The following TP63 variants were observed in gnomAD, a reference collection of about 807,000 sequenced individuals.
TP63 encodes tumor protein 63.
A neutral mutation model predicts 82.8 loss-of-function variants in TP63; 17 were observed. The observed-to-expected ratio is 0.21, with a 90% confidence interval of 0.14 to 0.31. TP63 has a LOEUF of 0.31. Among genes scored for constraint, TP63 ranks in the 10% least tolerant of loss-of-function variants. TP63 has a pLI of 1.00. For missense variants in TP63, 648 were observed against 895.3 expected (o/e 0.72, Z 3.52); for synonymous variants, 330 against 321.7 (o/e 1.03, Z -0.28).
chr3:189,679,066 T>G (rs915802709), intron 1 of TP63, among the ~76,000 whole-genome samples: 4 of 152,090 alleles, frequency 2.6e-5, no homozygotes, highest in African/African-American at 9.6e-5. Flanking sequence ...ATTCCGTATC[T>G]GAGCTATTGT....
intron 1 of TP63, among the ~76,000 whole-genome samples, chr3:189,735,326 T>C (rs548540222): frequency 6.6e-6 from 1 of 152,302 alleles, no homozygotes; most frequent in African/African-American, 2.4e-5. Context: ...TCTAAACTTT[T>C]GGTCTATTTT....
intron 1 of TP63, among the ~76,000 whole-genome samples, chr3:189,717,549 T>G (rs1192086077): frequency 1.3e-5 from 2 of 152,152 alleles, no homozygotes; most frequent in Non-Finnish European, 2.9e-5. Flanking sequence ...TTCTTTAAAC[T>G]CAATACACTA....
the TP63 span, among the ~76,000 whole-genome samples, chr3:189,603,683 C>G: frequency 8.0e-6 from 1 of 125,268 alleles, no homozygotes; most frequent in Non-Finnish European, 1.6e-5. Context: ...AAAAGAAGCA[C>G]AGTCCTGGAG....
intron 1 of TP63, among the ~76,000 whole-genome samples, chr3:189,653,174 A>C (rs148296503): frequency 3.1e-3 from 466 of 152,256 alleles, no homozygotes; most frequent in Non-Finnish European, 4.8e-3. Flanking sequence ...AATTCCATAA[A>C]GATATACCTA....
At chr3:189,783,773 A>G (rs1403711742) in intron 3 of TP63, among the ~76,000 whole-genome samples, 1 of 151,900 alleles carries the variant, frequency 6.6e-6, no homozygotes, top group African/African-American at 2.4e-5. Flanking sequence ...TCAAAATGAA[A>G]TATTTTTTTC....
chr3:189,649,419 T>C (rs1039489456), intron 1 of TP63, among the ~76,000 whole-genome samples: 2 of 146,610 alleles, frequency 1.4e-5, no homozygotes, highest in African/African-American at 5.1e-5. Flanking sequence ...GGAAACTAAA[T>C]GATGAGAACG....
chr3:189,793,961 A>G (rs1725431878), intron 3 of TP63, among the ~76,000 whole-genome samples: 1 of 152,090 alleles, frequency 6.6e-6, no homozygotes, highest in East Asian at 1.9e-4. Context: ...CTGGAAGAGC[A>G]TGGATTCAAG....
At chr3:189,824,885 T>C (rs958944627) in intron 4 of TP63, among the ~76,000 whole-genome samples, 3 of 151,862 alleles carry the variant, frequency 2.0e-5, no homozygotes, top group African/African-American at 7.3e-5. Context: ...ATCAGTAGCT[T>C]GTTCAGGGGG....
At chr3:189,743,517 C>CACACAA (rs1270499054) in intron 3 of TP63, among the ~76,000 whole-genome samples, 2 of 151,960 alleles carry the variant, frequency 1.3e-5, no homozygotes, top group African/African-American at 2.4e-5. Context: ...CACACACACA[C>CACACAA]ACACAAACAT....
At chr3:189,784,376 G>A (rs1724443299) in intron 3 of TP63, among the ~76,000 whole-genome samples, 1 of 152,038 alleles carries the variant, frequency 6.6e-6, no homozygotes, top group South Asian at 2.1e-4. Context: ...TAAATATTAA[G>A]ATGTAATTAA....
chr3:189,781,922 C>T (rs1724262367), intron 3 of TP63, among the ~76,000 whole-genome samples: 1 of 152,062 alleles, frequency 6.6e-6, no homozygotes, highest in South Asian at 2.1e-4. Flanking sequence ...TAGACAAATG[C>T]CATCTCCAAG....
chr3:189,636,437 C>T (rs1337328033), intron 1 of TP63, among the ~76,000 whole-genome samples: 1 of 152,086 alleles, frequency 6.6e-6, no homozygotes, highest in Non-Finnish European at 1.5e-5. Context: ...GAGAAATAAA[C>T]TCAACTCAAC....
chr3:189,872,400 AACACAC>A (rs60097753), intron 9 of TP63, among the ~76,000 whole-genome samples: 67 of 146,998 alleles, frequency 4.6e-4, no homozygotes, highest in African/African-American at 8.0e-4. Flanking sequence ...AAGTTTCTCT[AACACAC>A]ACACACACAC....
At chr3:189,690,602 T>C (rs971193903) in intron 1 of TP63, among the ~76,000 whole-genome samples, 10 of 152,164 alleles carry the variant, frequency 6.6e-5, no homozygotes, top group African/African-American at 2.2e-4. Context: ...TGGTCCTGGG[T>C]GATACCTGGC....
At chr3:189,763,247 A>G (rs1351937922) in intron 3 of TP63, among the ~76,000 whole-genome samples, 1 of 152,194 alleles carries the variant, frequency 6.6e-6, no homozygotes, top group Non-Finnish European at 1.5e-5. Context: ...GCACTCTAGC[A>G]TGACAGACAG....
chr3:189,834,582 A>G (rs7619556), intron 4 of TP63, among the ~76,000 whole-genome samples: 59,859 of 151,998 alleles, frequency 0.39, 12,123 homozygotes, highest in East Asian at 0.54. Context: ...TGTGCCATGT[A>G]TCTCCACAAT....
chr3:189,733,155 A>G (rs991977299), intron 1 of TP63, among the ~76,000 whole-genome samples: 1 of 152,208 alleles, frequency 6.6e-6, no homozygotes, highest in Non-Finnish European at 1.5e-5. Flanking sequence ...TAGGGATAAA[A>G]GCAAAACAAA....
chr3:189,822,606 A>G (rs1728912405), intron 4 of TP63, among the ~76,000 whole-genome samples: 1 of 152,184 alleles, frequency 6.6e-6, no homozygotes, highest in Non-Finnish European at 1.5e-5. Context: ...CAGGCGCACT[A>G]CCAGGAACAC....
chr3:189,678,925 C>T lies in TP63; in HGVS notation c.62+47348C>T, dbSNP rs186944274. 1.8e-3 allele frequency among the ~76,000 whole-genome samples: 280 copies of T among 151,886 alleles called. 2 individuals carry two copies. Among genetic ancestry groups the T allele is most frequent in the African/African-American group, 5.6e-3 (231 of 41,420 alleles). On this transcript the variant is annotated intron_variant, in intron 1 of 13. Coordinates refer to ENST00000264731, the MANE Select transcript of TP63 (RefSeq NM_003722.5). ...TTTGGTTGTTATTGATGTATATAAA[C>T]GCTACTGATTATTGTAAGTTGGTTT...
Sources: allele counts gnomAD v4.1 joint callset (sites outside exome capture counted in the v4.1 genomes callset), GRCh38; gene constraint gnomAD v4.1.1; transcripts MANE v1.5; gene names NCBI Gene and HGNC (gene_info 2026-07-23, HGNC 2026-07-21).